The following UBE2QL1 variants were observed in gnomAD, a reference collection of about 807,000 sequenced individuals.
UBE2QL1 encodes the protein ubiquitin conjugating enzyme E2 QL1, also known as ubiquitin-conjugating enzyme E2Q-like protein 1.
In UBE2QL1, 5 loss-of-function variants were observed where a neutral mutation model predicts 12.6. The observed-to-expected ratio is 0.40, with a 90% confidence interval of 0.21 to 0.83. The LOEUF is 0.83. Among genes scored for constraint, UBE2QL1 ranks in the 40% least tolerant of loss-of-function variants. The pLI is 0.37. For synonymous variants in UBE2QL1, 96 were observed against 94.5 expected (o/e 1.02, Z -0.10); for missense variants, 99 against 222.6 (o/e 0.44, Z 3.53).
At chr5:6,462,217 C>G (rs1361565674) in intron 1 of UBE2QL1, among the ~76,000 whole-genome samples, 1 of 151,962 alleles carries the variant, frequency 6.6e-6, no homozygotes, top group African/African-American at 2.4e-5. Context: ...TGGGAGGAGG[C>G]GTATGAAAAA....
rs892071803 is a variant in UBE2QL1 at position 6,478,779 on chromosome 5, G to T, written c.355-12439G>T. Among the ~76,000 whole-genome samples, 1 of 152,158 alleles carries T rather than the reference G, an allele frequency of 6.6e-6. No homozygotes were observed. Among genetic ancestry groups the T allele is most frequent in the Non-Finnish European group, 1.5e-5 (1 of 68,028 alleles). On this transcript the variant is annotated intron_variant, in intron 1 of 1. Transcript: ENST00000399816. The surrounding 1 kb of genome is among the most constrained non-coding windows in gnomAD (Gnocchi z 4.5). The stretch of plus-strand genomic sequence containing the variant: ...AAGCCACAGCAGACCACAGGCAAGG[G>T]CTTAGGGCTGCAGGTGGATGATCTC...
intron 1 of UBE2QL1, among the ~76,000 whole-genome samples, chr5:6,489,294 C>T (rs1426566143): frequency 2.0e-5 from 3 of 151,958 alleles, no homozygotes; most frequent in African/African-American, 4.8e-5. Flanking sequence ...TGTGGTGGCT[C>T]ACACCTGTAG....
intron 1 of UBE2QL1, among the ~76,000 whole-genome samples, chr5:6,477,212 A>T (rs1734251327): frequency 6.6e-6 from 1 of 152,192 alleles, no homozygotes. Flanking sequence ...GGGCCTCACA[A>T]ACTGACCTTT....
intron 1 of UBE2QL1, among the ~76,000 whole-genome samples, chr5:6,452,009 G>A (rs1448762545): frequency 6.6e-6 from 1 of 152,096 alleles, no homozygotes; most frequent in Non-Finnish European, 1.5e-5. Context: ...GATACTTCTC[G>A]GGATTTCTTT....
At chr5:6,487,654 G>T (rs1734490510) in intron 1 of UBE2QL1, among the ~76,000 whole-genome samples, 3 of 152,202 alleles carry the variant, frequency 2.0e-5, no homozygotes, top group Non-Finnish European at 4.4e-5. Context: ...AGGGAGAAAG[G>T]TAAATGTTAT....
chr5:6,452,317 T>C (rs1289948430), intron 1 of UBE2QL1, among the ~76,000 whole-genome samples: 2 of 152,212 alleles, frequency 1.3e-5, no homozygotes, highest in Non-Finnish European at 2.9e-5. Context: ...CATGTTGCTG[T>C]CTGAATTCTG....
intron 1 of UBE2QL1, among the ~76,000 whole-genome samples, chr5:6,467,527 A>G (rs1739822509): frequency 6.6e-6 from 1 of 152,158 alleles, no homozygotes; most frequent in African/African-American, 2.4e-5. Context: ...CCTCATTTTA[A>G]GGTAATTATC....
chr5:6,455,303 C>T (rs910428676), intron 1 of UBE2QL1, among the ~76,000 whole-genome samples: 3 of 152,126 alleles, frequency 2.0e-5, no homozygotes, highest in Admixed American at 1.3e-4. Context: ...CGTCCACACC[C>T]AGGTTTAGAA....
intron 1 of UBE2QL1, among the ~76,000 whole-genome samples, chr5:6,471,691 GAGGTCAAAC>G (rs1485709907): frequency 6.6e-6 from 1 of 152,236 alleles, no homozygotes; most frequent in Admixed American, 6.5e-5. Flanking sequence ...TCAGGGGTAG[GAGGTCAAAC>G]AGGGAGTGAA....
In UBE2QL1 at chr5:6,492,179, CG is replaced by C. The variant is rs1210432328; in HGVS notation, c.*831del. 2 of 152,210 alleles carry C rather than the reference CG, an allele frequency of 1.3e-5. No individual in the cohort carries two copies. Among genetic ancestry groups the C allele is most frequent in the African/African-American group, 4.8e-5 (2 of 41,452 alleles). The allele number at this position is 152,210 out of a possible 1,614,324, so 9.4% of individuals were successfully genotyped here. A position where few individuals can be genotyped will look rare whatever the true frequency, so the allele number is the denominator to read the frequency against. ...CGATGTTAGGAAATGGTCCTACGGC[CG>C]CGCCTTTGTGTTCCTGTCTTCTCTC... On this transcript the variant is annotated 3_prime_UTR_variant, in exon 2 of 2. Transcript: ENST00000399816.
chr5:6,486,465 A>C (rs908685931), intron 1 of UBE2QL1, among the ~76,000 whole-genome samples: 3 of 152,024 alleles, frequency 2.0e-5, no homozygotes, highest in African/African-American at 7.3e-5. Flanking sequence ...ACACCTGCCC[A>C]CCTATGTCTC....
At chr5:6,467,208 T>G (rs1250170636) in intron 1 of UBE2QL1, among the ~76,000 whole-genome samples, 2 of 151,994 alleles carry the variant, frequency 1.3e-5, no homozygotes, top group Non-Finnish European at 2.9e-5. Context: ...CTCCTCCCCT[T>G]TCCTCCTTCC....
At chr5:6,468,425 G>A (rs1174295245) in intron 1 of UBE2QL1, among the ~76,000 whole-genome samples, 1 of 152,184 alleles carries the variant, frequency 6.6e-6, no homozygotes, top group East Asian at 1.9e-4. Flanking sequence ...GTGTGGAGGG[G>A]TGGAGTCAGG....
At position 6,496,589 on chromosome 5, in the gene UBE2QL1, A is replaced by G. The variant is rs1037151508; in HGVS notation, c.*5240A>G. ...AAAAACGCATGTGGCATAAATCAAC[A>G]GGAAAGAAATGTTTACCACTGGAAG... On this transcript the variant is annotated 3_prime_UTR_variant, in exon 2 of 2. Transcript: ENST00000399816. Among the ~76,000 whole-genome samples, 2 of 152,238 alleles carry G rather than the reference A, an allele frequency of 1.3e-5. No homozygotes were observed. Among genetic ancestry groups the G allele is most frequent in the East Asian group, 3.8e-4 (2 of 5,202 alleles).
chr5:6,460,789 C>T (rs114960538), intron 1 of UBE2QL1, among the ~76,000 whole-genome samples: 1,675 of 152,308 alleles, frequency 0.011, 27 homozygotes, highest in African/African-American at 0.039. Context: ...AAAACATTTA[C>T]CTCTGTGCTC....
intron 1 of UBE2QL1, among the ~76,000 whole-genome samples, chr5:6,456,366 T>G (rs1739523007): frequency 1.3e-5 from 2 of 152,228 alleles, no homozygotes; most frequent in South Asian, 4.1e-4. Flanking sequence ...GAGGAAACAC[T>G]CTACTTAAGG....
rs1383570776 is a variant in UBE2QL1, at chr5:6,479,447, A to G, written c.355-11771A>G. 6.6e-6 allele frequency among the ~76,000 whole-genome samples: 1 copy of G among 152,156 alleles called. No homozygotes were observed. Among genetic ancestry groups the G allele is most frequent in the East Asian group, 1.9e-4 (1 of 5,190 alleles). On this transcript the variant is annotated intron_variant, in intron 1 of 1. Coordinates refer to ENST00000399816, the MANE Select transcript of UBE2QL1 (RefSeq NM_001145161.3). This position sits in a 1 kb window ranked among gnomAD's most constrained non-coding sequence, Gnocchi z 4.2. The stretch of plus-strand genomic sequence containing the variant: ...AACTTAGGGGCGACTTCAGTAAGAA[A>G]GTGGGGGGTCTCTGGGGCTAGTCAG...
chr5:6,472,266 C>A (rs986304433), intron 1 of UBE2QL1, among the ~76,000 whole-genome samples: 1 of 152,190 alleles, frequency 6.6e-6, no homozygotes, highest in Non-Finnish European at 1.5e-5. Flanking sequence ...CTCCCACCTC[C>A]CTGTGGTCAC....
At chr5:6,456,389 C>T (rs1560927588) in intron 1 of UBE2QL1, among the ~76,000 whole-genome samples, 2 of 152,020 alleles carry the variant, frequency 1.3e-5, no homozygotes, top group Non-Finnish European at 2.9e-5. Context: ...GATTGAGACT[C>T]GACATTAACA....
Sources: allele counts gnomAD v4.1 joint callset (sites outside exome capture counted in the v4.1 genomes callset), GRCh38; gene constraint gnomAD v4.1.1; non-coding constraint Gnocchi (gnomAD v3.1); transcripts MANE v1.5; gene names NCBI Gene and HGNC (gene_info 2026-07-23, HGNC 2026-07-21).